CPPED1: variants seen among roughly 807,000 people sequenced by gnomAD.
CPPED1 encodes calcineurin like phosphoesterase domain containing 1.
In CPPED1, 28 loss-of-function variants were observed where a neutral mutation model predicts 28.0. The ratio of observed to expected loss-of-function variants is 1.00; its 90% CI spans 0.74 to 1.37. The LOEUF (loss-of-function observed/expected upper bound fraction) is 1.37. Among genes scored for constraint, CPPED1 ranks in the 40% most tolerant of loss-of-function variants. CPPED1 has a pLI of 0.00. For missense variants in CPPED1, 504 were observed against 416.5 expected (o/e 1.21, Z -1.83); for synonymous variants, 198 against 180.2 (o/e 1.10, Z -0.79).
At position 12,803,704 on chromosome 16, in the gene CPPED1, T is replaced by C. The variant is rs773572176; in HGVS notation, c.70+3A>G. 33 of 1,570,462 alleles carry C rather than the reference T, an allele frequency of 2.1e-5. No individual in the cohort carries two copies. Among genetic ancestry groups the C allele is most frequent in the Non-Finnish European group, 4.3e-6 (5 of 1,160,064 alleles). On this transcript the variant is annotated splice_donor_region_variant and intron_variant, in intron 1 of 3. Transcript: ENST00000381774. ...CCCTCCCCGGGTGAGGGGCGGGCAG[T>C]ACCTGCGGGAAACGCGGCCAGGGTC...
At chr16:12,718,042 G>A (rs188914035) in intron 2 of CPPED1, among the ~76,000 whole-genome samples, 1 of 152,312 alleles carries the variant, frequency 6.6e-6, no homozygotes, top group Non-Finnish European at 1.5e-5. Context: ...GCTAAGAATG[G>A]GAAAGACTAC....
At chr16:12,783,635 C>T (rs984063527) in intron 1 of CPPED1, among the ~76,000 whole-genome samples, 1 of 152,026 alleles carries the variant, frequency 6.6e-6, no homozygotes, top group South Asian at 2.1e-4. Flanking sequence ...GGCCACTTTC[C>T]CACCCATCAC....
Position 12,689,217 on chromosome 16 carries a change from CTTTTT to C in CPPED1, c.715+15402_715+15406del, listed in dbSNP as rs869107040. 3.0e-4 allele frequency among the ~76,000 whole-genome samples: 25 copies of C among 83,588 alleles called. No homozygotes were observed. The South Asian group carries it at 3.6e-3, about 12-fold the overall frequency. 54.8% of individuals were successfully genotyped at this position (83,588 alleles called of 152,430 possible). On this transcript the variant is annotated intron_variant, in intron 3 of 3. Transcript: ENST00000381774. ...TATGATCAGCTATATGAAAAGAGGG[CTTTTT>C]TTTTTTTTTTTTTTTTTTTAAAGAC...
chr16:12,664,970 T>C lies in CPPED1; in HGVS notation c.861A>G (p.Lys287=). The change falls in exon 4 of 4, where the codon AAA becomes AAG. Residue 287 remains lysine (K), a synonymous_variant. Coordinates refer to ENST00000381774, the MANE Select transcript of CPPED1 (RefSeq NM_018340.3). The surrounding 1 kb of genome is among the most constrained non-coding windows in gnomAD (Gnocchi z 4.2). ...CTAGACTGTAGTATCGGTGAACAAT[T>C]TTCTCGGCGGTGACCACCACGACTC... ...GLRVVVVTAE[K]IVHRYYSLDE... 6.2e-7 allele frequency: 1 copy of C among 1,611,278 alleles called. No homozygotes were observed. Among genetic ancestry groups the C allele is most frequent in the Non-Finnish European group, 8.5e-7 (1 of 1,179,084 alleles).
chr16:12,780,395 C>T (rs1262905288), intron 2 of CPPED1, among the ~76,000 whole-genome samples: 1 of 152,074 alleles, frequency 6.6e-6, no homozygotes, highest in East Asian at 1.9e-4. Context: ...AGGCTAGTCT[C>T]GAACACCTGA....
intron 2 of CPPED1, among the ~76,000 whole-genome samples, chr16:12,767,094 G>A (rs577055558): frequency 6.6e-6 from 1 of 152,052 alleles, no homozygotes; most frequent in Non-Finnish European, 1.5e-5. Context: ...GGCTTAGTAA[G>A]GGAATGGGTT....
chr16:12,719,040 T>C (rs554678493), intron 2 of CPPED1, among the ~76,000 whole-genome samples: 4 of 152,130 alleles, frequency 2.6e-5, no homozygotes, highest in African/African-American at 9.6e-5. Flanking sequence ...AGGCATGTCT[T>C]ACATGGCGGC....
At chr16:12,742,788 G>A (rs139508137) in intron 2 of CPPED1, among the ~76,000 whole-genome samples, 1 of 152,262 alleles carries the variant, frequency 6.6e-6, no homozygotes, top group African/African-American at 2.4e-5. Context: ...CTGTTTGTTA[G>A]GAGGACTCAC....
rs1019734467 is a variant in CPPED1, at chr16:12,662,674, C to T, written c.*2212G>A. The T allele has an allele frequency of 2.0e-5, 3 of 152,182 alleles. No individual in the cohort carries two copies. The highest frequency in any genetic ancestry group is 7.2e-5 in the African/African-American group (3 of 41,434). 9.4% of individuals were successfully genotyped at this position (152,182 alleles called of 1,614,324 possible). The stretch of plus-strand genomic sequence containing the variant: ...AAGTTATTTCACTTAAGATAACAGC[C>T]TCCAGTTCCATCCAGGTTGCTGCAA... On this transcript the variant is annotated 3_prime_UTR_variant, in exon 4 of 4. Coordinates refer to ENST00000381774, the MANE Select transcript of CPPED1 (RefSeq NM_018340.3).
chr16:12,688,808 A>G (rs998776735), intron 3 of CPPED1, among the ~76,000 whole-genome samples: 1 of 152,212 alleles, frequency 6.6e-6, no homozygotes, highest in Non-Finnish European at 1.5e-5. Flanking sequence ...CAAAGTTAAA[A>G]GATGTAAAGA....
chr16:12,769,441 G>A (rs1324285770), intron 2 of CPPED1, among the ~76,000 whole-genome samples: 1 of 152,124 alleles, frequency 6.6e-6, no homozygotes, highest in Non-Finnish European at 1.5e-5. Context: ...TGGAATAAAG[G>A]ACTGACAGCA....
intron 2 of CPPED1, among the ~76,000 whole-genome samples, chr16:12,754,379 C>A (rs2080351121): frequency 1.3e-5 from 2 of 152,138 alleles, no homozygotes; most frequent in Non-Finnish European, 1.5e-5. Flanking sequence ...TGAACACACA[C>A]AGGGGCGCCT....
intron 1 of CPPED1, among the ~76,000 whole-genome samples, chr16:12,799,715 C>CCCTTTG: frequency 6.6e-6 from 1 of 152,180 alleles, no homozygotes; most frequent in Non-Finnish European, 1.5e-5. Flanking sequence ...ATGGAAGCAG[C>CCCTTTG]AATGGTAGGC....
At chr16:12,723,070 G>T (rs1225942115) in intron 2 of CPPED1, among the ~76,000 whole-genome samples, 4 of 152,098 alleles carry the variant, frequency 2.6e-5, no homozygotes, top group Non-Finnish European at 5.9e-5. Context: ...GAACAGGAGG[G>T]TCGGCAACGT....
chr16:12,735,357 T>C (rs556095487), intron 2 of CPPED1, among the ~76,000 whole-genome samples: 5 of 152,358 alleles, frequency 3.3e-5, no homozygotes, highest in African/African-American at 1.2e-4. Flanking sequence ...AGTGGCATGA[T>C]CTCGGCTCAC....
At chr16:12,730,410 T>G (rs111812740) in intron 2 of CPPED1, among the ~76,000 whole-genome samples, 2 of 152,144 alleles carry the variant, frequency 1.3e-5, no homozygotes, top group Admixed American at 6.6e-5. Flanking sequence ...AACCCACATC[T>G]TCCCGATGAC....
intron 3 of CPPED1, among the ~76,000 whole-genome samples, chr16:12,699,419 C>T (rs1005088371): frequency 3.3e-5 from 5 of 152,020 alleles, no homozygotes; most frequent in South Asian, 2.1e-4. Context: ...TGGCAGGCTT[C>T]GATTCACACA....
intron 2 of CPPED1, among the ~76,000 whole-genome samples, chr16:12,710,854 T>C (rs950218065): frequency 6.6e-6 from 1 of 152,180 alleles, no homozygotes; most frequent in Non-Finnish European, 1.5e-5. Flanking sequence ...TTGGTGAGGA[T>C]GTGGAGAAAA....
chr16:12,788,578 T>C (rs1412390676), intron 1 of CPPED1, among the ~76,000 whole-genome samples: 1 of 151,872 alleles, frequency 6.6e-6, no homozygotes, highest in East Asian at 1.9e-4. Flanking sequence ...GTCTGGGTAG[T>C]GAGGGGGAAG....
Sources: allele counts gnomAD v4.1 joint callset (sites outside exome capture counted in the v4.1 genomes callset), GRCh38; gene constraint gnomAD v4.1.1; non-coding constraint Gnocchi (gnomAD v3.1); transcripts MANE v1.5; gene names NCBI Gene and HGNC (gene_info 2026-07-23, HGNC 2026-07-21).